COL15A1: variants seen among roughly 807,000 people sequenced by gnomAD.
The protein encoded by COL15A1 is collagen alpha-1(XV) chain.
A neutral mutation model predicts 165.9 loss-of-function variants in COL15A1; 111 were observed. The ratio of observed to expected loss-of-function variants is 0.67; its 90% CI spans 0.57 to 0.78. The LOEUF is 0.78. Among genes scored for constraint, COL15A1 ranks in the 30% least tolerant of loss-of-function variants. COL15A1 has a pLI of 0.00. For missense variants in COL15A1, 1,745 were observed against 1,789.7 expected, an observed-to-expected ratio of 0.98 and a Z score of 0.45; for synonymous variants, 659 against 674.8, an observed-to-expected ratio of 0.98 and a Z score of 0.36.
intron 7 of COL15A1, among the ~76,000 whole-genome samples, chr9:99,002,348 C>T (rs1463431065): frequency 6.6e-6 from 1 of 152,070 alleles, no homozygotes; most frequent in African/African-American, 2.4e-5. Flanking sequence ...CCCTGAGCCT[C>T]CCAAATTCCA....
In COL15A1 at chr9:99,055,270, T is replaced by A; in HGVS notation, c.3090T>A (p.Asn1030Lys). The change falls in exon 34 of 42, where the codon AAT becomes AAA. Residue 1030 changes from asparagine to lysine, a missense_variant. By Grantham distance (94) the Asn-to-Lys change is moderately conservative. Coordinates refer to ENST00000375001, the MANE Select transcript of COL15A1 (RefSeq NM_001855.5). ...RHFLNNLKGE[N>K]GDKGFKGEKG... ...GTGTTCTCTGCTTCCAGGGGGAGAA[T>A]GGAGACAAGGGGTTCAAAGGTGAAA... 1 of 1,611,000 alleles carries A rather than the reference T, an allele frequency of 6.2e-7. No homozygotes were observed. The highest frequency in any genetic ancestry group is 8.5e-7 in the Non-Finnish European group (1 of 1,177,224).
intron 9 of COL15A1, among the ~76,000 whole-genome samples, chr9:99,012,833 T>C (rs1838868724): frequency 6.7e-6 from 1 of 149,934 alleles, no homozygotes; most frequent in Admixed American, 6.7e-5. Flanking sequence ...TGCCTCAGCG[T>C]CTTGAGTAGC....
At chr9:98,949,508 G>C (rs1011654072) in intron 2 of COL15A1, among the ~76,000 whole-genome samples, 1 of 152,144 alleles carries the variant, frequency 6.6e-6, no homozygotes, top group African/African-American at 2.4e-5. Context: ...AGAAATGAGG[G>C]CCTCCATTTC....
chr9:98,979,291 T>C (rs1011135733), intron 2 of COL15A1, among the ~76,000 whole-genome samples: 2 of 152,198 alleles, frequency 1.3e-5, no homozygotes, highest in Non-Finnish European at 2.9e-5. Context: ...TGTTATTAAA[T>C]TGCCTCCCAC....
At chr9:99,038,796 C>T (rs1156789440) in intron 22 of COL15A1, 63 bp downstream of exon 22, 12 of 991,652 alleles carry the variant, frequency 1.2e-5, no homozygotes, top group Admixed American at 1.1e-4. Flanking sequence ...GAAACAAAGT[C>T]GGGTTACTTT....
intron 2 of COL15A1, among the ~76,000 whole-genome samples, chr9:98,954,697 G>T (rs1394096667): frequency 6.6e-6 from 1 of 152,258 alleles, no homozygotes; most frequent in African/African-American, 2.4e-5. Flanking sequence ...TGGGTCTAGT[G>T]CATGCCCATT....
At chr9:99,053,896 C>T (rs780513187) in intron 31 of COL15A1, among the ~76,000 whole-genome samples, 6 of 152,168 alleles carry the variant, frequency 3.9e-5, no homozygotes, top group African/African-American at 7.2e-5. Context: ...AAAGACCTAG[C>T]GTCCACCCTA....
chr9:99,069,753 C>T lies in COL15A1; in HGVS notation c.4034C>T (p.Ala1345Val), dbSNP rs576653069. Residue 1345 changes from alanine to valine, a missense_variant, in exon 42 of 42, where the codon GCG (alanine) becomes GTG (valine). Physicochemically the swap from Ala to Val is moderately conservative, Grantham distance 64. Transcript: ENST00000375001. ...VDNYCEAWRT[A>V]DTAVTGLASP... is the part of the protein sequence containing the mutation. ...AACTACTGTGAAGCATGGCGAACCGCGGACACAGCGGTCACGGGACTTGCC... is the reference window on the plus strand; with the variant it reads ...AACTACTGTGAAGCATGGCGAACCGTGGACACAGCGGTCACGGGACTTGCC... 26 of 1,614,244 alleles carry T rather than the reference C, an allele frequency of 1.6e-5. 1 individual carries two copies. Among genetic ancestry groups the T allele is most frequent in the African/African-American group, 6.7e-5 (5 of 75,066 alleles).
intron 35 of COL15A1, among the ~76,000 whole-genome samples, chr9:99,057,628 A>G (rs930551592): frequency 6.6e-6 from 1 of 152,204 alleles, no homozygotes; most frequent in Admixed American, 6.5e-5. Context: ...GACATTTAGG[A>G]ACCTTTCCAA....
At chr9:99,016,352 C>G (rs1373018767) in intron 11 of COL15A1, among the ~76,000 whole-genome samples, 1 of 152,216 alleles carries the variant, frequency 6.6e-6, no homozygotes, top group Non-Finnish European at 1.5e-5. Flanking sequence ...GTGTCCCAAA[C>G]TGATCTTTGG....
chr9:99,039,542 T>C (rs1399662250), intron 22 of COL15A1, among the ~76,000 whole-genome samples: 1 of 152,160 alleles, frequency 6.6e-6, no homozygotes, highest in Admixed American at 6.5e-5. Context: ...AAAATATACA[T>C]TATTTCTGCA....
chr9:98,983,648 C>A (rs1838264954), intron 2 of COL15A1, among the ~76,000 whole-genome samples: 1 of 152,234 alleles, frequency 6.6e-6, no homozygotes, highest in South Asian at 2.1e-4. Flanking sequence ...CTGGTCAGTG[C>A]TGCAGGCGTG....
rs1312484115 is a variant in COL15A1, at chr9:99,052,431, A to G, written c.2948A>G (p.His983Arg). The G allele has an allele frequency of 4.4e-6, 7 of 1,602,760 alleles. No homozygotes were observed. The highest frequency in any genetic ancestry group is 5.1e-6 in the Non-Finnish European group (6 of 1,169,912). The part of the protein sequence containing the change: ...HPGSPELITF[H>R]GVKGEKGSWG... The stretch of plus-strand genomic sequence containing the variant: ...GGGAGTCCAGAGCTCATCACTTTTC[A>G]CGGTATACACTCCCTTCTTCATCAT... Residue 983 changes from histidine (H) to arginine (R), a missense_variant and splice_region_variant, in exon 31 of 42, where the codon CAC (histidine) becomes CGC (arginine). Coordinates refer to ENST00000375001, the MANE Select transcript of COL15A1 (RefSeq NM_001855.5).
chr9:98,950,529 T>TC (rs1203878374), intron 2 of COL15A1, among the ~76,000 whole-genome samples: 1 of 110,074 alleles, frequency 9.1e-6, no homozygotes, highest in African/African-American at 3.8e-5. Context: ...TTCCCTTCCT[T>TC]CCTTCCCTTC....
chr9:99,025,705 G>A (rs1839111406), intron 15 of COL15A1, among the ~76,000 whole-genome samples, 199 bp from the exon 16 acceptor site: 1 of 152,188 alleles, frequency 6.6e-6, no homozygotes, highest in South Asian at 2.1e-4. Flanking sequence ...TCCAGAGAGT[G>A]AAGGACAGTT....
intron 2 of COL15A1, among the ~76,000 whole-genome samples, chr9:98,950,065 C>A (rs894770949): frequency 1.3e-5 from 2 of 152,002 alleles, no homozygotes; most frequent in African/African-American, 4.8e-5. Context: ...ATGTATATAC[C>A]AAATTTTGTT....
chr9:99,046,499 C>CA lies in COL15A1; in HGVS notation c.2680-1284dup, dbSNP rs148644961. On this transcript the variant is annotated intron_variant, in intron 26 of 41. Coordinates refer to ENST00000375001, the MANE Select transcript of COL15A1 (RefSeq NM_001855.5). ...AGAAATACCAAGACTAGATAATTTACAAAGAAAAGAGGTTTAATTGACTCC... is the reference window on the plus strand; with the variant it reads ...AGAAATACCAAGACTAGATAATTTACAAAAGAAAAGAGGTTTAATTGACTCC... Among the ~76,000 whole-genome samples, 1,168 of 152,230 alleles carry CA rather than the reference C, an allele frequency of 7.7e-3. 15 individuals carry two copies. The highest frequency in any genetic ancestry group is 0.027 in the African/African-American group (1,124 of 41,510).
chr9:99,011,423 A>AAAAC (rs548063268), intron 9 of COL15A1, among the ~76,000 whole-genome samples: 1,663 of 135,124 alleles, frequency 0.012, 73 homozygotes, highest in African/African-American at 0.04. Flanking sequence ...AAAAAAAAAA[A>AAAAC]AGTCATTTTA....
chr9:99,062,300 G>A lies in COL15A1; in HGVS notation c.3587G>A (p.Ser1196Asn), dbSNP rs1478316064. 6.2e-7 allele frequency: 1 copy of A among 1,610,046 alleles called. No individual in the cohort carries two copies. The highest frequency in any genetic ancestry group is 2.2e-5 in the East Asian group (1 of 44,876). Residue 1196 changes from serine (S) to asparagine (N), a missense_variant, in exon 38 of 42, where the codon AGC becomes AAC. Ser to Asn is a conservative substitution (Grantham distance 46, BLOSUM62 1). Coordinates refer to ENST00000375001, the MANE Select transcript of COL15A1 (RefSeq NM_001855.5). ...ADSPPPPALSSNPHQLLPPPN... is the reference protein window; with the variant it reads ...ADSPPPPALSNNPHQLLPPPN... Reference sequence around the variant, plus strand: ...AGCCCTCCACCCCCTGCGCTTTCCAGCAACGTGAGTAGTTACCCTGTTGGA... The same window carrying A: ...AGCCCTCCACCCCCTGCGCTTTCCAACAACGTGAGTAGTTACCCTGTTGGA...
Sources: gnomAD v4.1 joint callset for allele counts (sites outside exome capture counted in the v4.1 genomes callset) on GRCh38, gnomAD v4.1.1 for gene constraint, MANE v1.5 for transcripts, NCBI Gene and HGNC (gene_info 2026-07-23, HGNC 2026-07-21) for gene names.